Variants in CPQ observed in about 807,000 individuals in gnomAD.
The protein encoded by CPQ is carboxypeptidase Q.
Under a neutral mutation model 45.7 loss-of-function variants are expected in CPQ, and 37 were observed. That is an observed-to-expected ratio of 0.81 (90% CI 0.62 to 1.07). The LOEUF (loss-of-function observed/expected upper bound fraction) is 1.07, where lower values mean the gene tolerates loss of function less well. CPQ is among the 50% of genes least tolerant of loss of function. CPQ has a pLI of 0.00. For missense variants in CPQ, 537 were observed against 572.9 expected (o/e 0.94, Z 0.64); for synonymous variants, 186 against 205.8 (o/e 0.90, Z 0.82).
At chr8:96,721,308 T>C (rs1432553400) in intron 1 of CPQ, among the ~76,000 whole-genome samples, 1 of 151,974 alleles carries the variant, frequency 6.6e-6, no homozygotes, top group African/African-American at 2.4e-5. Context: ...CACAAAGAGA[T>C]GGGAAATTGG....
At position 97,055,912 on chromosome 8, in the gene CPQ, C is replaced by T. The variant is rs117660376; in HGVS notation, c.1054-10097C>T. Reference sequence around the variant, plus strand: ...CCCAAAAGTTCAAGACCAGCCTGGGCAACCTGGCGAGACTTTTCCTCTATA... The same window carrying T: ...CCCAAAAGTTCAAGACCAGCCTGGGTAACCTGGCGAGACTTTTCCTCTATA... On this transcript the variant is annotated intron_variant, in intron 6 of 7. Transcript: ENST00000220763. Among the ~76,000 whole-genome samples, 17 of 152,202 alleles carry T rather than the reference C, an allele frequency of 1.1e-4. No individual in the cohort carries two copies. In the East Asian group the frequency reaches 2.9e-3, roughly 26 times the overall value.
At chr8:96,980,934 C>T (rs1362159342) in intron 5 of CPQ, among the ~76,000 whole-genome samples, 1 of 152,178 alleles carries the variant, frequency 6.6e-6, no homozygotes, top group Non-Finnish European at 1.5e-5. Flanking sequence ...TTTCCCATCC[C>T]TTTTGCTCTC....
In CPQ at chr8:96,926,568, TC is replaced by T. The variant is rs1479341314; in HGVS notation, c.850-39365del. ...TTCCTCTTCCTCTTCCTCTTCCTCT[TC>T]CTCTTCCTCTTCTTCTTCTTCTTCT... On this transcript the variant is annotated intron_variant, in intron 4 of 7. Transcript: ENST00000220763. Among the ~76,000 whole-genome samples, 180 of 115,494 alleles carry T rather than the reference TC, an allele frequency of 1.6e-3. 1 individual carries two copies. The highest frequency in any genetic ancestry group is 4.3e-3 in the Middle Eastern group (1 of 230). 75.8% of individuals were successfully genotyped at this position (115,494 alleles called of 152,430 possible). A position where few individuals can be genotyped will look rare whatever the true frequency, so the allele number is the denominator to read the frequency against.
At chr8:96,819,375 A>G (rs761171643) in intron 2 of CPQ, among the ~76,000 whole-genome samples, 3 of 152,156 alleles carry the variant, frequency 2.0e-5, no homozygotes, top group Non-Finnish European at 2.9e-5. Context: ...GTATATAACC[A>G]TATCATTGCA....
chr8:96,974,319 A>C (rs942349460), intron 5 of CPQ, among the ~76,000 whole-genome samples: 1 of 152,220 alleles, frequency 6.6e-6, no homozygotes, highest in South Asian at 2.1e-4. Flanking sequence ...ACAGGAAAAT[A>C]TCACAATTCT....
chr8:96,896,346 C>A (rs1051986520), intron 4 of CPQ, among the ~76,000 whole-genome samples: 33 of 152,222 alleles, frequency 2.2e-4, no homozygotes, highest in Middle Eastern at 3.4e-3. Context: ...ATCTGGCATT[C>A]AAAGCTTTAA....
intron 2 of CPQ, among the ~76,000 whole-genome samples, chr8:96,805,565 A>G (rs1811069076): frequency 6.6e-6 from 1 of 152,096 alleles, no homozygotes; most frequent in South Asian, 2.1e-4. Flanking sequence ...GTTCTTTATT[A>G]TTGGATATTG....
rs967684378 is a variant in CPQ at position 97,013,459 on chromosome 8, CA to C, written c.962-15943del. 6.1e-4 allele frequency among the ~76,000 whole-genome samples: 93 copies of C among 152,164 alleles called. 1 individual carries two copies. The highest frequency in any genetic ancestry group is 2.2e-3 in the African/African-American group (90 of 41,496). On this transcript the variant is annotated intron_variant, in intron 5 of 7. Coordinates refer to ENST00000220763, the MANE Select transcript of CPQ (RefSeq NM_016134.4). ...ATACGTATAGGGCTCCTTGATTTAC[CA>C]GGGGCTGTGTGTGAAAACTACATTA...
At chr8:96,875,102 T>C (rs1812128813) in intron 3 of CPQ, among the ~76,000 whole-genome samples, 1 of 151,936 alleles carries the variant, frequency 6.6e-6, no homozygotes, top group Non-Finnish European at 1.5e-5. Context: ...CATCTTTTCA[T>C]GTAATTATAG....
intron 1 of CPQ, among the ~76,000 whole-genome samples, chr8:96,709,857 T>C (rs891654967): frequency 1.3e-5 from 2 of 152,182 alleles, no homozygotes; most frequent in Non-Finnish European, 2.9e-5. Context: ...TTTTGTTCTG[T>C]TCTTTCCCGG....
chr8:96,798,893 C>A (rs192921220), intron 2 of CPQ, among the ~76,000 whole-genome samples: 1 of 152,194 alleles, frequency 6.6e-6, no homozygotes, highest in African/African-American at 2.4e-5. Flanking sequence ...ATTTATCTTT[C>A]CATCTCCTGT....
chr8:96,677,186 T>C (rs1044139477), intron 1 of CPQ, among the ~76,000 whole-genome samples: 14 of 152,040 alleles, frequency 9.2e-5, no homozygotes, highest in Non-Finnish European at 4.4e-5. Context: ...TTGGTAGATA[T>C]TCAGTAGCGG....
intron 7 of CPQ, among the ~76,000 whole-genome samples, chr8:97,090,771 G>A (rs1811112875): frequency 6.6e-6 from 1 of 152,150 alleles, no homozygotes. Context: ...GGAGCTGAGT[G>A]GGGGACAGTT....
intron 2 of CPQ, among the ~76,000 whole-genome samples, chr8:96,816,642 A>G (rs1346786191): frequency 6.6e-6 from 1 of 152,148 alleles, no homozygotes; most frequent in Non-Finnish European, 1.5e-5. Flanking sequence ...TATGAAATGT[A>G]TTTGTTAAAT....
At chr8:96,896,837 G>T (rs1812449005) in intron 4 of CPQ, among the ~76,000 whole-genome samples, 1 of 152,170 alleles carries the variant, frequency 6.6e-6, no homozygotes, top group African/African-American at 2.4e-5. Context: ...ATGAATGAAA[G>T]AAAAGTTATG....
At chr8:96,882,756 A>AT (rs1434045483) in intron 4 of CPQ, among the ~76,000 whole-genome samples, 10 of 152,206 alleles carry the variant, frequency 6.6e-5, no homozygotes, top group Non-Finnish European at 1.3e-4. Context: ...AGCCTGACTC[A>AT]TTCTTTTATT....
chr8:96,666,401 G>T (rs1310994788), intron 1 of CPQ, among the ~76,000 whole-genome samples: 3 of 152,164 alleles, frequency 2.0e-5, no homozygotes, highest in Non-Finnish European at 2.9e-5. Flanking sequence ...GAAAATAAGA[G>T]AATATAGTTA....
chr8:96,902,703 G>T (rs1318063551), intron 4 of CPQ, among the ~76,000 whole-genome samples: 1 of 152,110 alleles, frequency 6.6e-6, no homozygotes, highest in Non-Finnish European at 1.5e-5. Flanking sequence ...GGCTCTTCTT[G>T]CCACTTCAGG....
At position 97,143,036 on chromosome 8, in the gene CPQ, T is replaced by A; in HGVS notation, c.1272T>A (p.Asp424Glu). ...TATCCCCAGGAGCCAGTCTACTTGA[T>A]GACTTATACAAGTATTTCTTCTTCC... ...QAGVPGASLL[D>E]DLYKYFFFHH... The change falls in exon 8 of 8, where the codon GAT becomes GAA. Residue 424 changes from aspartate to glutamate, a missense_variant. Asp to Glu is a conservative substitution (Grantham distance 45). Coordinates refer to ENST00000220763, the MANE Select transcript of CPQ (RefSeq NM_016134.4). 6.2e-7 allele frequency: 1 copy of A among 1,613,852 alleles called. No homozygotes were observed. The highest frequency in any genetic ancestry group is 8.5e-7 in the Non-Finnish European group (1 of 1,179,784).
Sources: gnomAD v4.1 joint callset for allele counts (sites outside exome capture counted in the v4.1 genomes callset) on GRCh38, gnomAD v4.1.1 for gene constraint, MANE v1.5 for transcripts, NCBI Gene and HGNC (gene_info 2026-07-23, HGNC 2026-07-21) for gene names.